Variants in CDC42SE2 observed in about 807,000 individuals in gnomAD.
CDC42SE2 encodes the protein CDC42 small effector 2, also known as CDC42 small effector protein 2.
Under a neutral mutation model 11.5 loss-of-function variants are expected in CDC42SE2, and 3 were observed. The ratio of observed to expected loss-of-function variants is 0.26; its 90% CI spans 0.12 to 0.67. CDC42SE2 has a LOEUF of 0.67. Ranked by LOEUF, CDC42SE2 falls within the 30% of genes least tolerant of loss-of-function variation. The probability of loss-of-function intolerance (pLI) is 0.80; values close to 1 mark genes in which losing one functional copy is unlikely to be tolerated. For missense variants in CDC42SE2, 82 were observed against 106.8 expected, an observed-to-expected ratio of 0.77 and a Z score of 1.02; for synonymous variants, 33 against 34.8, an observed-to-expected ratio of 0.95 and a Z score of 0.18.
At chr5:131,350,637 G>GTGTGTGTGTA (rs147203202) in intron 2 of CDC42SE2, among the ~76,000 whole-genome samples, 4 of 147,608 alleles carry the variant, frequency 2.7e-5, no homozygotes, top group Admixed American at 1.4e-4. Flanking sequence ...GTGTGTGTGT[G>GTGTGTGTGTA]TATATATATA....
At chr5:131,265,958 T>A (rs1375822641) in intron 1 of CDC42SE2, among the ~76,000 whole-genome samples, 1 of 152,238 alleles carries the variant, frequency 6.6e-6, no homozygotes, top group Non-Finnish European at 1.5e-5. Context: ...AGTAGATTCC[T>A]TTTCTATAAG....
At chr5:131,211,391 G>GT in the CDC42SE2 span, among the ~76,000 whole-genome samples, 2 of 152,082 alleles carry the variant, frequency 1.3e-5, no homozygotes, top group Non-Finnish European at 2.9e-5. Context: ...GCAGTGATTT[G>GT]TTTAATTTTG....
intron 2 of CDC42SE2, among the ~76,000 whole-genome samples, chr5:131,335,910 G>C (rs1272458541): frequency 1.3e-5 from 2 of 152,164 alleles, no homozygotes; most frequent in African/African-American, 4.8e-5. Flanking sequence ...GACGGGTCTT[G>C]ACTCTTTATC....
intron 2 of CDC42SE2, among the ~76,000 whole-genome samples, chr5:131,255,978 G>A (rs889526408): frequency 2.0e-5 from 3 of 152,136 alleles, no homozygotes; most frequent in Non-Finnish European, 2.9e-5. Context: ...AAAAGCCCAA[G>A]ATCAGATAAT....
At chr5:131,367,598 ACTT>A (rs1431584668) in intron 3 of CDC42SE2, among the ~76,000 whole-genome samples, 2 of 152,174 alleles carry the variant, frequency 1.3e-5, no homozygotes, top group Non-Finnish European at 2.9e-5. Context: ...TAAGCGAAGC[ACTT>A]CTTCATGTGC....
chr5:131,389,400 A>C (rs1750584259), intron 4 of CDC42SE2, among the ~76,000 whole-genome samples: 1 of 152,210 alleles, frequency 6.6e-6, no homozygotes, highest in African/African-American at 2.4e-5. Context: ...TCATTTTATT[A>C]ATCTGACTAT....
At chr5:131,355,970 T>C (rs900528432) in intron 2 of CDC42SE2, among the ~76,000 whole-genome samples, 1 of 152,204 alleles carries the variant, frequency 6.6e-6, no homozygotes, top group African/African-American at 2.4e-5. Context: ...ACTTTTCTAC[T>C]CATGTCAGTC....
intron 1 of CDC42SE2, among the ~76,000 whole-genome samples, chr5:131,253,663 G>C (rs984500643): frequency 6.6e-6 from 1 of 152,150 alleles, no homozygotes; most frequent in South Asian, 2.1e-4. Flanking sequence ...TACTCAAGAG[G>C]CTGAGGCAGG....
chr5:131,295,090 G>A (rs1190228435), intron 1 of CDC42SE2, among the ~76,000 whole-genome samples: 1 of 151,628 alleles, frequency 6.6e-6, no homozygotes, highest in East Asian at 1.9e-4. Flanking sequence ...TCATGCCACT[G>A]CGCTCCATTC....
chr5:131,253,531 G>A (rs1349411025), intron 1 of CDC42SE2, among the ~76,000 whole-genome samples: 1 of 152,156 alleles, frequency 6.6e-6, no homozygotes, highest in Non-Finnish European at 1.5e-5. Flanking sequence ...TTGGGAGGCC[G>A]AGGCGGGTTG....
At chr5:131,295,254 G>A (rs181797030) in intron 1 of CDC42SE2, among the ~76,000 whole-genome samples, 1 of 151,300 alleles carries the variant, frequency 6.6e-6, no homozygotes, top group African/African-American at 2.4e-5. Flanking sequence ...TTGCACTCCA[G>A]CCTGGGTGAC....
upstream of CDC42SE2, among the ~76,000 whole-genome samples, chr5:131,244,415 A>T (rs1352009426): frequency 6.6e-6 from 1 of 152,192 alleles, no homozygotes; most frequent in African/African-American, 2.4e-5. Flanking sequence ...TTAAGCACAC[A>T]AAAAACATCT....
At chr5:131,389,824 G>C (rs7704947) in intron 4 of CDC42SE2, among the ~76,000 whole-genome samples, 1 of 152,094 alleles carries the variant, frequency 6.6e-6, no homozygotes. Flanking sequence ...CACATTGCTA[G>C]TGCTCTCTCT....
At chr5:131,313,700 A>G (rs1757980117) in intron 1 of CDC42SE2, among the ~76,000 whole-genome samples, 1 of 152,170 alleles carries the variant, frequency 6.6e-6, no homozygotes, top group South Asian at 2.1e-4. Flanking sequence ...CTACTAGTAC[A>G]GTGTTTTTGT....
At chr5:131,325,532 G>A (rs1298544723) in intron 2 of CDC42SE2, among the ~76,000 whole-genome samples, 2 of 150,696 alleles carry the variant, frequency 1.3e-5, no homozygotes, top group East Asian at 3.9e-4. Context: ...TCAAAATTGA[G>A]TGTGGTAAAC....
intron 1 of CDC42SE2, among the ~76,000 whole-genome samples, chr5:131,271,282 G>T (rs1756989896): frequency 6.6e-6 from 1 of 151,910 alleles, no homozygotes; most frequent in South Asian, 2.1e-4. Context: ...ATTCCACTGG[G>T]GTCTCAGCAT....
chr5:131,215,548 A>G, the CDC42SE2 span, among the ~76,000 whole-genome samples: 4 of 152,222 alleles, frequency 2.6e-5, no homozygotes, highest in Non-Finnish European at 4.4e-5. Flanking sequence ...TTTAGTTTAC[A>G]TGATGAAAAC....
chr5:131,279,918 C>G (rs989924209), intron 1 of CDC42SE2, among the ~76,000 whole-genome samples: 2 of 151,962 alleles, frequency 1.3e-5, no homozygotes, highest in Admixed American at 1.3e-4. Flanking sequence ...ATAAAAAATA[C>G]AAAAATTAGC....
intron 2 of CDC42SE2, among the ~76,000 whole-genome samples, chr5:131,336,195 C>G (rs993728221): frequency 5.3e-5 from 8 of 152,198 alleles, no homozygotes; most frequent in African/African-American, 1.9e-4. Flanking sequence ...ATTTGCTTGT[C>G]TGTAAAGGAT....
Sources: gnomAD v4.1 joint callset for allele counts (sites outside exome capture counted in the v4.1 genomes callset) on GRCh38, gnomAD v4.1.1 for gene constraint, MANE v1.5 for transcripts, NCBI Gene and HGNC (gene_info 2026-07-23, HGNC 2026-07-21) for gene names.